PAK5: variants seen among roughly 807,000 people sequenced by gnomAD.
The protein encoded by PAK5 is p21 (RAC1) activated kinase 5.
Under a neutral mutation model 65.9 loss-of-function variants are expected in PAK5, and 16 were observed. The observed-to-expected ratio is 0.24, with a 90% CI of 0.16 to 0.37. The LOEUF (loss-of-function observed/expected upper bound fraction) is 0.37, where lower values mean the gene tolerates loss of function less well. Among genes scored for constraint, PAK5 ranks in the 10% least tolerant of loss-of-function variants. The pLI, the probability that PAK5 is intolerant of heterozygous loss-of-function variation, is 1.00. For missense variants in PAK5, 785 were observed against 903.9 expected (o/e 0.87, Z 1.69); for synonymous variants, 371 against 354.9 (o/e 1.05, Z -0.51).
At chr20:9,670,742 T>C (rs202034036) in intron 2 of PAK5, among the ~76,000 whole-genome samples, 1 of 152,158 alleles carries the variant, frequency 6.6e-6, no homozygotes, top group African/African-American at 2.4e-5. Context: ...ACTCTGATGG[T>C]AGTTTCTTTC....
chr20:9,736,774 G>T (rs566617937), intron 1 of PAK5, among the ~76,000 whole-genome samples: 1 of 152,288 alleles, frequency 6.6e-6, no homozygotes, highest in South Asian at 2.1e-4. Flanking sequence ...TCTGTTCAGA[G>T]AATTCTGAAG....
In PAK5 at chr20:9,580,740, G is replaced by T. The variant is rs760277504; in HGVS notation, c.395C>A (p.Ser132Tyr). The T allele has an allele frequency of 6.2e-7, 1 of 1,613,816 alleles. No homozygotes were observed. Among genetic ancestry groups the T allele is most frequent in the African/African-American group, 1.3e-5 (1 of 74,858 alleles). The change falls in exon 4 of 10, where the codon TCC (serine) becomes TAC (tyrosine). Residue 132 changes from serine to tyrosine, a missense_variant. Physicochemically the swap from Ser to Tyr is moderately radical, Grantham distance 144 (BLOSUM62 -2). Coordinates refer to ENST00000353224, the MANE Select transcript of PAK5 (RefSeq NM_177990.4). Reference sequence around the variant, plus strand: ...GTCAGCAGTAGTATCGGATTCGCTGGAATACTGGGAGAAGGTGATGAAGCC... The same window carrying T: ...GTCAGCAGTAGTATCGGATTCGCTGTAATACTGGGAGAAGGTGATGAAGCC... ...ENGFITFSQY[S>Y]SESDTTADYT...
chr20:9,743,530 C>T (rs1450942405), intron 1 of PAK5, among the ~76,000 whole-genome samples: 11 of 152,088 alleles, frequency 7.2e-5, no homozygotes, highest in Non-Finnish European at 1.5e-5. Context: ...GACTCCTAAA[C>T]CAAAATGCAT....
At chr20:9,724,102 T>C (rs2048248170) in intron 1 of PAK5, among the ~76,000 whole-genome samples, 1 of 152,172 alleles carries the variant, frequency 6.6e-6, no homozygotes, top group Non-Finnish European at 1.5e-5. Flanking sequence ...AACTGAAGCA[T>C]AAATGAATGA....
Position 9,539,427 on chromosome 20 carries a change from C to T in PAK5, c.*35G>A. On this transcript the variant is annotated 3_prime_UTR_variant, in exon 10 of 10. Transcript: ENST00000353224. ...TGTTCTCCTGAATTATTCTCATGTC[C>T]TCATCTAGCTTTGCCACCTACACGA... 7.5e-6 allele frequency: 12 copies of T among 1,600,664 alleles called. No individual in the cohort carries two copies. Among genetic ancestry groups the T allele is most frequent in the Middle Eastern group, 1.7e-4 (1 of 5,916 alleles).
intron 2 of PAK5, among the ~76,000 whole-genome samples, chr20:9,650,905 T>G (rs985966246): frequency 6.6e-6 from 1 of 152,206 alleles, no homozygotes; most frequent in African/African-American, 2.4e-5. Flanking sequence ...ATAACTATTT[T>G]AAAAATATTT....
At chr20:9,776,904 C>A (rs1280305777) in intron 1 of PAK5, among the ~76,000 whole-genome samples, 1 of 152,100 alleles carries the variant, frequency 6.6e-6, no homozygotes, top group East Asian at 1.9e-4. Context: ...GGCCAAGAAA[C>A]ATGGTGGTAA....
intron 3 of PAK5, among the ~76,000 whole-genome samples, chr20:9,638,072 C>T (rs2047003975): frequency 6.6e-6 from 1 of 152,128 alleles, no homozygotes; most frequent in Non-Finnish European, 1.5e-5. Context: ...AATCAGAATA[C>T]CTAGGGTGGG....
chr20:9,560,774 T>C (rs1260094932), intron 6 of PAK5, among the ~76,000 whole-genome samples: 1 of 152,228 alleles, frequency 6.6e-6, no homozygotes, highest in East Asian at 1.9e-4. Context: ...AAGAGCTTGA[T>C]GGTGCTTGGC....
intron 1 of PAK5, among the ~76,000 whole-genome samples, chr20:9,830,575 AC>A (rs766581571): frequency 9.2e-5 from 14 of 152,150 alleles, no homozygotes; most frequent in Non-Finnish European, 1.5e-4. Context: ...TCCATATTAT[AC>A]CTCTTGCTTC....
At position 9,687,013 on chromosome 20, in the gene PAK5, C is replaced by A. The variant is rs2047728104; in HGVS notation, c.-12+24273G>T. On this transcript the variant is annotated intron_variant, in intron 2 of 9. Coordinates refer to ENST00000353224, the MANE Select transcript of PAK5 (RefSeq NM_177990.4). Reference sequence around the variant, plus strand: ...GAGAATAGGTATAAAGCAAGTATTTCCAAATTATCTCACCTAAGAGGCAAA... The same window carrying A: ...GAGAATAGGTATAAAGCAAGTATTTACAAATTATCTCACCTAAGAGGCAAA... 2.6e-5 allele frequency among the ~76,000 whole-genome samples: 4 copies of A among 152,168 alleles called. No individual in the cohort carries two copies. The South Asian group carries it at 8.3e-4, about 32-fold the overall frequency.
At chr20:9,687,813 T>C (rs1712093373) in intron 2 of PAK5, among the ~76,000 whole-genome samples, 2 of 152,068 alleles carry the variant, frequency 1.3e-5, no homozygotes, top group Admixed American at 1.3e-4. Context: ...GAGAAACAAT[T>C]ACCTGAAAAA....
chr20:9,635,774 G>T (rs1015825770), intron 3 of PAK5, among the ~76,000 whole-genome samples: 3 of 152,124 alleles, frequency 2.0e-5, no homozygotes, highest in African/African-American at 7.2e-5. Flanking sequence ...TAAAAGAAGG[G>T]AGAGGCAAAA....
chr20:9,777,599 G>C (rs1037053172), intron 1 of PAK5, among the ~76,000 whole-genome samples: 1 of 152,138 alleles, frequency 6.6e-6, no homozygotes, highest in Non-Finnish European at 1.5e-5. Context: ...AGCATAAGAA[G>C]AGACTTATAC....
At chr20:9,543,196 C>T (rs180966016) in intron 8 of PAK5, among the ~76,000 whole-genome samples, 50 of 152,308 alleles carry the variant, frequency 3.3e-4, no homozygotes, top group African/African-American at 1.1e-3. Flanking sequence ...TAGCTCTTTT[C>T]TCCCCTACTT....
chr20:9,589,424 G>T, intron 3 of PAK5, among the ~76,000 whole-genome samples: 1 of 152,174 alleles, frequency 6.6e-6, no homozygotes, highest in Non-Finnish European at 1.5e-5. Flanking sequence ...ATTTTCACTC[G>T]CTATTACCAA....
intron 2 of PAK5, among the ~76,000 whole-genome samples, chr20:9,666,549 T>C (rs1337793995): frequency 6.6e-6 from 1 of 152,188 alleles, no homozygotes; most frequent in African/African-American, 2.4e-5. Flanking sequence ...TTTTGAGTTA[T>C]GACATTAGAT....
At chr20:9,584,277 C>T (rs2046030138) in intron 3 of PAK5, among the ~76,000 whole-genome samples, 1 of 152,142 alleles carries the variant, frequency 6.6e-6, no homozygotes. Context: ...TATTTCATTT[C>T]AGTTGTATCT....
chr20:9,594,232 T>A (rs2046225043), intron 3 of PAK5, among the ~76,000 whole-genome samples: 1 of 152,210 alleles, frequency 6.6e-6, no homozygotes, highest in South Asian at 2.1e-4. Flanking sequence ...GGAAGTTTGT[T>A]AGGAATGCAG....
Sources: allele counts gnomAD v4.1 joint callset (sites outside exome capture counted in the v4.1 genomes callset), GRCh38; gene constraint gnomAD v4.1.1; transcripts MANE v1.5; gene names NCBI Gene and HGNC (gene_info 2026-07-23, HGNC 2026-07-21).